IL1RAPL1: variants seen among roughly 807,000 people sequenced by gnomAD.
The protein encoded by IL1RAPL1 is interleukin 1 receptor accessory protein like 1, also known as interleukin-1 receptor accessory protein-like 1.
In IL1RAPL1, 3 loss-of-function variants were observed where a neutral mutation model predicts 48.4. The observed-to-expected ratio is 0.06, with a 90% confidence interval of 0.03 to 0.16. IL1RAPL1 has a LOEUF of 0.16. Ranked by LOEUF, IL1RAPL1 falls within the 10% of genes least tolerant of loss-of-function variation. The pLI is 1.00. For synonymous variants in IL1RAPL1, 185 were observed against 187.7 expected, an observed-to-expected ratio of 0.99 and a Z score of 0.12; for missense variants, 349 against 530.6, an observed-to-expected ratio of 0.66 and a Z score of 3.36.
chrX:29,954,923 A>G (rs1384931866), intron 10 of IL1RAPL1, among the ~76,000 whole-genome samples, 179 bp from the exon 11 acceptor site: 1 of 112,358 alleles, frequency 8.9e-6, no homozygotes, highest in Non-Finnish European at 1.9e-5. Flanking sequence ...TTGACATTGA[A>G]AGAAACCAAA....
intron 6 of IL1RAPL1, among the ~76,000 whole-genome samples, chrX:29,731,259 T>A (rs752142256): frequency 8.9e-6 from 1 of 112,408 alleles, no homozygotes; most frequent in Non-Finnish European, 1.9e-5. Flanking sequence ...GCCTGGCTGA[T>A]GGAGGAGATT....
At chrX:29,814,885 G>C (rs1012212873) in intron 6 of IL1RAPL1, among the ~76,000 whole-genome samples, 1 of 111,110 alleles carries the variant, frequency 9.0e-6, no homozygotes. Context: ...AGATCAGATG[G>C]TTGTAGGGTG....
intron 2 of IL1RAPL1, among the ~76,000 whole-genome samples, chrX:28,954,924 A>G (rs1281324200): frequency 1.8e-5 from 2 of 111,967 alleles, no homozygotes; most frequent in Non-Finnish European, 1.9e-5. Flanking sequence ...ATTTACCTGA[A>G]GATATATGCC....
At chrX:28,780,320 AGTGTGTGTGTGTAT>A (rs751280123) in intron 1 of IL1RAPL1, among the ~76,000 whole-genome samples, 13 of 82,661 alleles carry the variant, frequency 1.6e-4, no homozygotes, top group Non-Finnish European at 2.6e-4. Context: ...TTTCAATCAC[AGTGTGTGTGTGTAT>A]GTGTGTGTGT....
At chrX:28,607,867 C>A (rs775282282) in intron 1 of IL1RAPL1, among the ~76,000 whole-genome samples, 1 of 110,722 alleles carries the variant, frequency 9.0e-6, no homozygotes, top group Non-Finnish European at 1.9e-5. Flanking sequence ...ATGTTCACCA[C>A]GCACATAGCA....
chrX:28,662,929 C>G (rs1376482496), intron 1 of IL1RAPL1, among the ~76,000 whole-genome samples: 1 of 111,519 alleles, frequency 9.0e-6, no homozygotes, highest in East Asian at 2.8e-4. Context: ...TTCTCATAGT[C>G]AGAATGTGGC....
intron 2 of IL1RAPL1, among the ~76,000 whole-genome samples, chrX:28,990,302 A>G (rs1000015867): frequency 3.6e-5 from 4 of 111,924 alleles, no homozygotes; most frequent in Non-Finnish European, 7.5e-5. Context: ...CCTTCCTTTG[A>G]GAACATATCT....
In IL1RAPL1 at chrX:29,340,021, A is replaced by G. The variant is rs773487453; in HGVS notation, c.363-56237A>G. ...TATAGCTTAGCTCATTATCTGTTGC[A>G]TAGTAGGTGCTGAATACATGTTTTT... On this transcript the variant is annotated intron_variant, in intron 3 of 10. Coordinates refer to ENST00000378993, the MANE Select transcript of IL1RAPL1 (RefSeq NM_014271.4). Among the ~76,000 whole-genome samples, 8 of 112,138 alleles carry G rather than the reference A, an allele frequency of 7.1e-5. No individual in the cohort carries two copies. The East Asian group carries it at 2.2e-3, about 31-fold the overall frequency.
chrX:28,974,140 C>T (rs1216177216), intron 2 of IL1RAPL1, among the ~76,000 whole-genome samples: 2 of 111,798 alleles, frequency 1.8e-5, no homozygotes, highest in Non-Finnish European at 3.8e-5. Context: ...GATGCTGGCA[C>T]TGGATTAAAC....
intron 5 of IL1RAPL1, among the ~76,000 whole-genome samples, chrX:29,412,396 G>T (rs1289795812): frequency 8.9e-6 from 1 of 112,275 alleles, no homozygotes; most frequent in Non-Finnish European, 1.9e-5. Context: ...GGCTAGACTG[G>T]ATTGAGATAT....
chrX:28,914,093 A>G (rs927477372), intron 2 of IL1RAPL1, among the ~76,000 whole-genome samples: 4 of 111,559 alleles, frequency 3.6e-5, no homozygotes, highest in African/African-American at 1.3e-4. Context: ...AAATTAAACT[A>G]GTCAAAAATT....
intron 2 of IL1RAPL1, among the ~76,000 whole-genome samples, chrX:29,144,753 GTCTTGC>G (rs1261111096): frequency 3.9e-5 from 4 of 102,835 alleles, no homozygotes; most frequent in African/African-American, 7.1e-5. Flanking sequence ...TTGAGATGGA[GTCTTGC>G]TCTGTTGCCC....
intron 8 of IL1RAPL1, among the ~76,000 whole-genome samples, chrX:29,921,586 A>G (rs886687563): frequency 2.0e-4 from 22 of 112,292 alleles, no homozygotes; most frequent in African/African-American, 6.4e-4. Flanking sequence ...TAGAAATATC[A>G]TACATATACA....
chrX:29,118,761 A>G (rs1046485855), intron 2 of IL1RAPL1, among the ~76,000 whole-genome samples: 1 of 111,427 alleles, frequency 9.0e-6, no homozygotes, highest in Non-Finnish European at 1.9e-5. Context: ...TTGAGAGGTT[A>G]TGTTTTGTGT....
At chrX:29,626,934 G>A (rs866476370) in intron 5 of IL1RAPL1, among the ~76,000 whole-genome samples, 2 of 112,176 alleles carry the variant, frequency 1.8e-5, no homozygotes, top group African/African-American at 6.5e-5. Flanking sequence ...TAACGCCTAC[G>A]TAACTGTTCT....
At chrX:29,653,680 C>G (rs1393146234) in intron 5 of IL1RAPL1, among the ~76,000 whole-genome samples, 1 of 110,391 alleles carries the variant, frequency 9.1e-6, no homozygotes, top group Admixed American at 9.7e-5. Context: ...CACCATAGGA[C>G]CTCTTTAGTA....
intron 1 of IL1RAPL1, among the ~76,000 whole-genome samples, chrX:28,777,607 C>T (rs1031766965): frequency 9.0e-6 from 1 of 111,483 alleles, no homozygotes; most frequent in Non-Finnish European, 1.9e-5. Flanking sequence ...GTCATGTTCT[C>T]GCTGAGTAAC....
intron 5 of IL1RAPL1, among the ~76,000 whole-genome samples, chrX:29,433,112 A>G (rs951158627): frequency 1.8e-5 from 2 of 109,791 alleles, no homozygotes; most frequent in East Asian, 2.8e-4. Flanking sequence ...AAACCCTTAC[A>G]GTATCTAAGA....
chrX:28,812,177 T>C (rs1601913630), intron 2 of IL1RAPL1, among the ~76,000 whole-genome samples: 1 of 111,237 alleles, frequency 9.0e-6, no homozygotes, highest in Non-Finnish European at 1.9e-5. Context: ...GAAACTTCTA[T>C]GTGCCTTTAT....
Sources: gnomAD v4.1 joint callset for allele counts (sites outside exome capture counted in the v4.1 genomes callset) on GRCh38, gnomAD v4.1.1 for gene constraint, MANE v1.5 for transcripts, NCBI Gene and HGNC (gene_info 2026-07-23, HGNC 2026-07-21) for gene names.